The following DDR2 variants were observed in gnomAD, a reference collection of about 807,000 sequenced individuals.
DDR2 encodes the protein discoidin domain receptor tyrosine kinase 2, also known as discoidin domain-containing receptor 2.
In DDR2, 27 loss-of-function variants were observed where a neutral mutation model predicts 94.9. The observed-to-expected ratio is 0.28, with a 90% confidence interval of 0.21 to 0.39. DDR2 has a LOEUF of 0.39. Among genes scored for constraint, DDR2 ranks in the 10% least tolerant of loss-of-function variants. DDR2 has a pLI of 1.00. For missense variants in DDR2, 783 were observed against 1,076.0 expected, an observed-to-expected ratio of 0.73 and a Z score of 3.81; for synonymous variants, 382 against 377.2, an observed-to-expected ratio of 1.01 and a Z score of -0.15.
intron 3 of DDR2, among the ~76,000 whole-genome samples, chr1:162,737,159 A>AT (rs34908304): frequency 0.025 from 3,577 of 143,380 alleles, 97 homozygotes; most frequent in East Asian, 0.11. Flanking sequence ...TTTTGGAATA[A>AT]TTTTTTTTTT....
In DDR2 at chr1:162,753,826, T is replaced by A. The variant is rs148044908; in HGVS notation, c.185+629T>A. ...AATACTCTACCTGGAATCTTATTAT[T>A]TTGTGAAGTATTGATTTTATTAAAA... On this transcript the variant is annotated intron_variant, in intron 4 of 17. Coordinates refer to ENST00000367921, the MANE Select transcript of DDR2 (RefSeq NM_006182.4). Among the ~76,000 whole-genome samples the A allele has an allele frequency of 2.0e-3, 305 of 152,280 alleles. 1 individual carries two copies. Among genetic ancestry groups the A allele is most frequent in the African/African-American group, 7.1e-3 (295 of 41,568 alleles).
At chr1:162,776,910 C>A (rs984515111) in intron 16 of DDR2, among the ~76,000 whole-genome samples, 6 of 152,116 alleles carry the variant, frequency 3.9e-5, no homozygotes, top group African/African-American at 1.4e-4. Context: ...TCTGTCCATG[C>A]ATACCTGAGA....
chr1:162,645,008 T>C (rs777970789), intron 1 of DDR2, among the ~76,000 whole-genome samples: 61 of 152,138 alleles, frequency 4.0e-4, no homozygotes, highest in Non-Finnish European at 6.3e-4. Flanking sequence ...CCCCAAATAA[T>C]GGCTTTGCTA....
chr1:162,755,104 A>G, intron 5 of DDR2, 52 bp from the exon 6 acceptor site: 2 of 1,612,774 alleles, frequency 1.2e-6, no homozygotes, highest in Non-Finnish European at 1.7e-6. Context: ...GGTGAAGAAA[A>G]GTGAGCATGA....
At chr1:162,669,558 C>T (rs1571172361) in intron 2 of DDR2, among the ~76,000 whole-genome samples, 3 of 152,140 alleles carry the variant, frequency 2.0e-5, no homozygotes, top group Admixed American at 6.5e-5. Flanking sequence ...TTAATTGTAT[C>T]AGCAACAATA....
chr1:162,650,532 G>T (rs925228948), intron 1 of DDR2, among the ~76,000 whole-genome samples: 2 of 152,096 alleles, frequency 1.3e-5, no homozygotes, highest in Non-Finnish European at 1.5e-5. Context: ...GGAGGCAGAG[G>T]TTGCAGTGAA....
intron 15 of DDR2, 142 bp from the exon 16 acceptor site, chr1:162,775,994 G>A: frequency 1.5e-6 from 2 of 1,332,016 alleles, no homozygotes; most frequent in South Asian, 2.4e-5. Context: ...CTGCCCTTTG[G>A]GGAAACGCAA....
chr1:162,670,380 A>G (rs58657467), intron 2 of DDR2, among the ~76,000 whole-genome samples: 15,839 of 152,312 alleles, frequency 0.1, 994 homozygotes, highest in Admixed American at 0.18. Flanking sequence ...TACTGGGATT[A>G]CAGGCGTGAG....
intron 3 of DDR2, among the ~76,000 whole-genome samples, chr1:162,734,670 G>C (rs1234334893): frequency 2.0e-5 from 3 of 152,164 alleles, no homozygotes; most frequent in Non-Finnish European, 2.9e-5. Context: ...CCCAGGTAAA[G>C]GGAGCATCAT....
intron 3 of DDR2, among the ~76,000 whole-genome samples, chr1:162,751,724 A>G (rs189501606): frequency 3.5e-4 from 54 of 152,380 alleles, no homozygotes; most frequent in Non-Finnish European, 4.9e-4. Flanking sequence ...GCTATTCACA[A>G]TAGCAAAGAC....
At chr1:162,779,073 T>A (rs1571328637) in intron 17 of DDR2, among the ~76,000 whole-genome samples, 2 of 152,172 alleles carry the variant, frequency 1.3e-5, no homozygotes, top group Non-Finnish European at 2.9e-5. Context: ...AAAATAAAAG[T>A]GTAAAAGGGA....
intron 3 of DDR2, among the ~76,000 whole-genome samples, chr1:162,735,636 C>A (rs1662262073): frequency 6.6e-6 from 1 of 152,210 alleles, no homozygotes; most frequent in Non-Finnish European, 1.5e-5. Flanking sequence ...GAAACTGGCA[C>A]TCCTTTGACA....
At chr1:162,649,608 T>C (rs1657586281) in intron 1 of DDR2, among the ~76,000 whole-genome samples, 1 of 152,150 alleles carries the variant, frequency 6.6e-6, no homozygotes, top group South Asian at 2.1e-4. Flanking sequence ...ATAACTCTGG[T>C]GGTGGAGGCA....
At chr1:162,740,836 G>A (rs572826980) in intron 3 of DDR2, among the ~76,000 whole-genome samples, 11 of 152,128 alleles carry the variant, frequency 7.2e-5, no homozygotes, top group African/African-American at 1.9e-4. Context: ...GTTGGAGATA[G>A]GACTGGACTC....
intron 7 of DDR2, among the ~76,000 whole-genome samples, chr1:162,758,552 G>A (rs1423496487): frequency 4.6e-5 from 7 of 152,102 alleles, no homozygotes; most frequent in Admixed American, 4.6e-4. Flanking sequence ...TTTATTGCAA[G>A]TAAACTTACG....
At chr1:162,678,239 T>A (rs958796852) in intron 2 of DDR2, among the ~76,000 whole-genome samples, 1 of 94,508 alleles carries the variant, frequency 1.1e-5, no homozygotes, top group Non-Finnish European at 2.5e-5. Context: ...AGTGTGACCT[T>A]GGGCAGGTTA....
At chr1:162,668,649 T>C (rs1281488336) in intron 2 of DDR2, among the ~76,000 whole-genome samples, 2 of 152,210 alleles carry the variant, frequency 1.3e-5, no homozygotes, top group Non-Finnish European at 2.9e-5. Context: ...TCTCTGTCTT[T>C]GTGTCCACAT....
chr1:162,670,438 G>T (rs963282752), intron 2 of DDR2, among the ~76,000 whole-genome samples: 6 of 152,154 alleles, frequency 3.9e-5, no homozygotes, highest in African/African-American at 1.4e-4. Context: ...GCAATTGATT[G>T]AATCAGGCTC....
rs572509910 is a variant in DDR2, at chr1:162,642,011, C to T, written c.-192+9380C>T. 1.6e-3 allele frequency among the ~76,000 whole-genome samples: 251 copies of T among 152,180 alleles called. 5 individuals carry two copies. Among genetic ancestry groups the T allele is most frequent in the African/African-American group, 5.6e-3 (232 of 41,518 alleles). Reference sequence around the variant, plus strand: ...TGTCGCCCAGGCTAGAGTGCAGTGGCGGGATCTCGGATCACTGCAACCTCT... The same window carrying T: ...TGTCGCCCAGGCTAGAGTGCAGTGGTGGGATCTCGGATCACTGCAACCTCT... On this transcript the variant is annotated intron_variant, in intron 1 of 17. Transcript: ENST00000367921.
Sources: allele counts gnomAD v4.1 joint callset (sites outside exome capture counted in the v4.1 genomes callset), GRCh38; gene constraint gnomAD v4.1.1; transcripts MANE v1.5; gene names NCBI Gene and HGNC (gene_info 2026-07-23, HGNC 2026-07-21).